The following SEMA5A variants were observed in gnomAD, a reference collection of about 807,000 sequenced individuals.
SEMA5A encodes the protein semaphorin-5A.
SEMA5A carries 55 observed loss-of-function variants against 135.5 expected under a neutral mutation model. The observed-to-expected ratio is 0.41, with a 90% CI of 0.33 to 0.51. The LOEUF is 0.51. Among genes scored for constraint, SEMA5A ranks in the 20% least tolerant of loss-of-function variants. The pLI, the probability that SEMA5A is intolerant of heterozygous loss-of-function variation, is 0.37. For synonymous variants in SEMA5A, 580 were observed against 546.5 expected (o/e 1.06, Z -0.85); for missense variants, 1,290 against 1,419.9 (o/e 0.91, Z 1.47).
intron 10 of SEMA5A, among the ~76,000 whole-genome samples, chr5:9,193,762 G>C (rs907330302): frequency 6.6e-6 from 1 of 152,162 alleles, no homozygotes; most frequent in African/African-American, 2.4e-5. Context: ...GCCTGGCGTG[G>C]TGGTGGGCAC....
chr5:9,242,700 A>C (rs1357811836), intron 5 of SEMA5A, among the ~76,000 whole-genome samples: 1 of 152,136 alleles, frequency 6.6e-6, no homozygotes, highest in South Asian at 2.1e-4. Flanking sequence ...CCAGGATCTC[A>C]CAAATCTCCA....
chr5:9,145,783 C>T (rs541511720), intron 12 of SEMA5A, among the ~76,000 whole-genome samples: 185 of 149,006 alleles, frequency 1.2e-3, no homozygotes, highest in African/African-American at 4.0e-3. Flanking sequence ...AGATTACAGG[C>T]GCCTGCCACC....
chr5:9,519,090 T>A lies in SEMA5A; in HGVS notation c.-175+26494A>T, dbSNP rs181491479. 6.6e-5 allele frequency among the ~76,000 whole-genome samples: 10 copies of A among 152,348 alleles called. No individual in the cohort carries two copies. The East Asian group carries it at 1.9e-3, about 29-fold the overall frequency. ...ATGTGAGTTTTTGTCTCATTTTGTG[T>A]GTTTGTGGTGAGTTTTCTTCCTTTC... On this transcript the variant is annotated intron_variant, in intron 1 of 22. Coordinates refer to ENST00000382496, the MANE Select transcript of SEMA5A (RefSeq NM_003966.3).
chr5:9,483,790 A>ATGAG (rs1759972476), intron 1 of SEMA5A, among the ~76,000 whole-genome samples: 1 of 152,236 alleles, frequency 6.6e-6, no homozygotes, highest in South Asian at 2.1e-4. Flanking sequence ...ATGTTACAAA[A>ATGAG]TGAGTGCAGT....
intron 4 of SEMA5A, among the ~76,000 whole-genome samples, chr5:9,320,781 T>C (rs1043257312): frequency 1.3e-5 from 2 of 152,168 alleles, no homozygotes; most frequent in African/African-American, 4.8e-5. Context: ...CAGAAGAGTA[T>C]GTTGAAGCAG....
intron 8 of SEMA5A, among the ~76,000 whole-genome samples, chr5:9,218,229 AAG>A (rs1025739896): frequency 3.3e-5 from 5 of 152,216 alleles, no homozygotes; most frequent in African/African-American, 1.2e-4. Flanking sequence ...TTTTTAAAAA[AAG>A]AGAATAAATT....
At chr5:9,385,154 C>T (rs1315520567) in intron 2 of SEMA5A, among the ~76,000 whole-genome samples, 1 of 152,144 alleles carries the variant, frequency 6.6e-6, no homozygotes, top group Non-Finnish European at 1.5e-5. Context: ...CTTTTATTTT[C>T]CAGATGTAGG....
chr5:9,070,630 C>T (rs1190115224), intron 16 of SEMA5A, among the ~76,000 whole-genome samples: 1 of 152,154 alleles, frequency 6.6e-6, no homozygotes, highest in Non-Finnish European at 1.5e-5. Context: ...TCTGCATTGG[C>T]ATCTGTGTGT....
intron 5 of SEMA5A, among the ~76,000 whole-genome samples, chr5:9,288,843 T>C (rs1374240430): frequency 1.3e-5 from 2 of 152,208 alleles, no homozygotes; most frequent in Non-Finnish European, 2.9e-5. Flanking sequence ...ATTCATATCA[T>C]GTTGATATTT....
At chr5:9,319,803 A>C (rs1375220246) in intron 4 of SEMA5A, among the ~76,000 whole-genome samples, 1 of 123,272 alleles carries the variant, frequency 8.1e-6, no homozygotes, top group Non-Finnish European at 1.6e-5. Context: ...ATAAGACATA[A>C]ATGTTGACTA....
intron 16 of SEMA5A, among the ~76,000 whole-genome samples, chr5:9,074,126 T>C (rs1313093083): frequency 1.3e-5 from 2 of 152,106 alleles, no homozygotes; most frequent in Admixed American, 6.6e-5. Context: ...CAAGATTCTG[T>C]GGTATAAGCA....
At chr5:9,467,991 T>A (rs1330866564) in intron 1 of SEMA5A, among the ~76,000 whole-genome samples, 1 of 152,148 alleles carries the variant, frequency 6.6e-6, no homozygotes, top group Non-Finnish European at 1.5e-5. Context: ...AATATTATTA[T>A]CCCTATTATG....
At chr5:9,107,743 A>G (rs7727295) in intron 16 of SEMA5A, among the ~76,000 whole-genome samples, 17,510 of 152,060 alleles carry the variant, frequency 0.12, 1,554 homozygotes, top group East Asian at 0.32. Flanking sequence ...AGAATCGAGT[A>G]CTTGACCATG....
chr5:9,518,207 T>C (rs1204298447), intron 1 of SEMA5A: 1 of 152,232 alleles, frequency 6.6e-6, no homozygotes, highest in Non-Finnish European at 1.5e-5. Context: ...TGCTACAGAA[T>C]TGTTAAATTA....
intron 2 of SEMA5A, among the ~76,000 whole-genome samples, chr5:9,404,518 C>T (rs780103358): frequency 3.3e-5 from 5 of 152,164 alleles, no homozygotes; most frequent in South Asian, 4.1e-4. Context: ...AATCTTTCTG[C>T]GAAGGCTAAA....
chr5:9,293,759 C>G (rs563606959), intron 5 of SEMA5A, among the ~76,000 whole-genome samples: 1 of 152,122 alleles, frequency 6.6e-6, no homozygotes, highest in Non-Finnish European at 1.5e-5. Context: ...AGTACTTGAA[C>G]TAGAGAAACT....
intron 1 of SEMA5A, among the ~76,000 whole-genome samples, chr5:9,464,788 C>G (rs1296164772): frequency 6.6e-6 from 1 of 152,176 alleles, no homozygotes; most frequent in African/African-American, 2.4e-5. Flanking sequence ...GGATTGCTCG[C>G]TGTGTGGTCA....
intron 1 of SEMA5A, among the ~76,000 whole-genome samples, chr5:9,527,023 G>T (rs1435182938): frequency 6.6e-6 from 1 of 152,166 alleles, no homozygotes; most frequent in East Asian, 1.9e-4. Context: ...AACTCCACCT[G>T]GGTATGGTAA....
At chr5:9,169,181 A>G (rs1743776333) in intron 11 of SEMA5A, among the ~76,000 whole-genome samples, 1 of 152,232 alleles carries the variant, frequency 6.6e-6, no homozygotes, top group South Asian at 2.1e-4. Flanking sequence ...GCAGGAAAAG[A>G]AAGAACAAAG....
Sources: gnomAD v4.1 joint callset for allele counts (sites outside exome capture counted in the v4.1 genomes callset) on GRCh38, gnomAD v4.1.1 for gene constraint, MANE v1.5 for transcripts, NCBI Gene and HGNC (gene_info 2026-07-23, HGNC 2026-07-21) for gene names.